Variants in ST6GALNAC3 observed in about 807,000 individuals in gnomAD.
ST6GALNAC3 encodes the protein alpha-N-acetylgalactosaminide alpha-2,6-sialyltransferase 3.
In ST6GALNAC3, 25 loss-of-function variants were observed where a neutral mutation model predicts 32.7. The ratio of observed to expected loss-of-function variants is 0.76; its 90% CI spans 0.56 to 1.07. The LOEUF is 1.07. Among genes scored for constraint, ST6GALNAC3 ranks in the 50% least tolerant of loss-of-function variants. The pLI is 0.00. For synonymous variants in ST6GALNAC3, 129 were observed against 133.1 expected, an observed-to-expected ratio of 0.97 and a Z score of 0.21; for missense variants, 355 against 382.4, an observed-to-expected ratio of 0.93 and a Z score of 0.60.
intron 1 of ST6GALNAC3, among the ~76,000 whole-genome samples, chr1:76,278,412 G>C (rs970573062): frequency 6.6e-6 from 1 of 151,682 alleles, no homozygotes; most frequent in Admixed American, 6.6e-5. Flanking sequence ...TAGTAGAGAC[G>C]GGGTTTCACC....
intron 3 of ST6GALNAC3, among the ~76,000 whole-genome samples, chr1:76,601,418 C>T (rs2647390): frequency 6.6e-6 from 1 of 151,480 alleles, no homozygotes; most frequent in Non-Finnish European, 1.5e-5. Context: ...TCTTGGTTTC[C>T]AAAAAGAGAA....
chr1:76,358,484 C>G (rs1015541394), intron 2 of ST6GALNAC3, among the ~76,000 whole-genome samples: 1 of 152,118 alleles, frequency 6.6e-6, no homozygotes, highest in African/African-American at 2.4e-5. Context: ...CATTTCCAAG[C>G]CTCTAGTTTT....
At chr1:76,573,928 T>C (rs1168832169) in intron 3 of ST6GALNAC3, among the ~76,000 whole-genome samples, 1 of 152,068 alleles carries the variant, frequency 6.6e-6, no homozygotes, top group African/African-American at 2.4e-5. Context: ...TTGCTCTGGA[T>C]AGATAATTTT....
chr1:76,352,376 T>A (rs1015221859), intron 2 of ST6GALNAC3, among the ~76,000 whole-genome samples: 6 of 146,878 alleles, frequency 4.1e-5, no homozygotes, highest in East Asian at 3.9e-4. Context: ...TTTTTTTTTT[T>A]ATTGAGAATA....
In ST6GALNAC3 at chr1:76,509,916, G is replaced by A. The variant is rs1661738273; in HGVS notation, c.623+97499G>A. On this transcript the variant is annotated intron_variant, in intron 3 of 4. Coordinates refer to ENST00000328299, the MANE Select transcript of ST6GALNAC3 (RefSeq NM_152996.4). The surrounding 1 kb of genome is among the most constrained non-coding windows in gnomAD (Gnocchi z 5.5). ...GCACCTATGAAGTCCTTTTTGGCAT[G>A]TAAAGCAACATATTCACAGGTTTCA... 6.6e-6 allele frequency among the ~76,000 whole-genome samples: 1 copy of A among 152,140 alleles called. No homozygotes were observed. The highest frequency in any genetic ancestry group is 2.4e-5 in the African/African-American group (1 of 41,450).
chr1:76,364,485 G>A (rs1283030720), intron 2 of ST6GALNAC3, among the ~76,000 whole-genome samples: 1 of 152,090 alleles, frequency 6.6e-6, no homozygotes, highest in Non-Finnish European at 1.5e-5. Context: ...CCCAGGAGGT[G>A]GAGGTTGCAG....
chr1:76,395,185 G>A (rs1413402677), intron 2 of ST6GALNAC3, among the ~76,000 whole-genome samples: 1 of 137,192 alleles, frequency 7.3e-6, no homozygotes, highest in Non-Finnish European at 1.6e-5. Context: ...TCCTTCATGA[G>A]GCCCCAGCAT....
Position 76,577,399 on chromosome 1 carries a change from A to T in ST6GALNAC3, c.624-50053A>T, listed in dbSNP as rs559772169. 1.1e-5 allele frequency: 10 copies of T among 869,986 alleles called. No homozygotes were observed. In the African/African-American group the frequency reaches 1.3e-4, roughly 11 times the overall value. 53.9% of individuals were successfully genotyped at this position (869,986 alleles called of 1,614,324 possible). ...CTTTTAGTGGAAATCGCTCTTGTGA[A>T]AACGAGCCCTGATAGTATCTTGGCT... On this transcript the variant is annotated intron_variant, in intron 3 of 4. Transcript: ENST00000328299.
At chr1:76,278,587 G>A (rs1280933481) in intron 1 of ST6GALNAC3, among the ~76,000 whole-genome samples, 1 of 151,426 alleles carries the variant, frequency 6.6e-6, no homozygotes, top group East Asian at 1.9e-4. Flanking sequence ...ACTTTTTGAG[G>A]AAACCAAATC....
intron 3 of ST6GALNAC3, among the ~76,000 whole-genome samples, chr1:76,524,958 A>T (rs1292501108): frequency 6.6e-6 from 1 of 152,058 alleles, no homozygotes; most frequent in Non-Finnish European, 1.5e-5. Flanking sequence ...AAAAAATCCC[A>T]CATGAAAAGG....
chr1:76,092,193 G>A (rs1199130123), intron 1 of ST6GALNAC3, among the ~76,000 whole-genome samples: 1 of 152,178 alleles, frequency 6.6e-6, no homozygotes, highest in African/African-American at 2.4e-5. Context: ...GGATCATCTT[G>A]TCTGAAAGCC....
chr1:76,340,489 A>G (rs1647871286), intron 2 of ST6GALNAC3, among the ~76,000 whole-genome samples: 1 of 152,136 alleles, frequency 6.6e-6, no homozygotes, highest in Non-Finnish European at 1.5e-5. Flanking sequence ...ACAAAGAGAG[A>G]AATCATCAAG....
chr1:76,462,768 C>T (rs113069301), intron 3 of ST6GALNAC3, among the ~76,000 whole-genome samples: 1 of 152,080 alleles, frequency 6.6e-6, no homozygotes, highest in African/African-American at 2.4e-5. Context: ...ATCACTAGCA[C>T]TGATTAAATA....
At chr1:76,464,897 A>G (rs1412289284) in intron 3 of ST6GALNAC3, among the ~76,000 whole-genome samples, 1 of 152,104 alleles carries the variant, frequency 6.6e-6, no homozygotes, top group Non-Finnish European at 1.5e-5. Context: ...TATTCCTCCC[A>G]CTATTTCATC....
chr1:76,568,287 C>T (rs1245456350), intron 3 of ST6GALNAC3, among the ~76,000 whole-genome samples: 1 of 152,316 alleles, frequency 6.6e-6, no homozygotes, highest in African/African-American at 2.4e-5. Flanking sequence ...GCCCTTCTAA[C>T]TGCAGTCTGG....
At chr1:76,226,984 A>C (rs1424013942) in intron 1 of ST6GALNAC3, among the ~76,000 whole-genome samples, 2 of 152,210 alleles carry the variant, frequency 1.3e-5, no homozygotes, top group Non-Finnish European at 2.9e-5. Flanking sequence ...TTTCATGATA[A>C]AAAGAGAAAT....
At chr1:76,317,479 C>G (rs1048335063) in intron 2 of ST6GALNAC3, among the ~76,000 whole-genome samples, 1 of 152,110 alleles carries the variant, frequency 6.6e-6, no homozygotes, top group Non-Finnish European at 1.5e-5. Context: ...CCTATTCATT[C>G]TATTCTAATT....
chr1:76,133,136 G>C (rs1297717848), intron 1 of ST6GALNAC3, among the ~76,000 whole-genome samples: 1 of 152,154 alleles, frequency 6.6e-6, no homozygotes, highest in Non-Finnish European at 1.5e-5. Context: ...ACTTGGGTCT[G>C]CAAGGCCCCC....
intron 2 of ST6GALNAC3, among the ~76,000 whole-genome samples, chr1:76,376,027 G>T (rs560014846): frequency 1.8e-4 from 28 of 152,040 alleles, no homozygotes; most frequent in Non-Finnish European, 2.5e-4. Flanking sequence ...CTAGTGAAGG[G>T]AATGGAGAAA....
Sources: gnomAD v4.1 joint callset for allele counts (sites outside exome capture counted in the v4.1 genomes callset) on GRCh38, gnomAD v4.1.1 for gene constraint, Gnocchi (gnomAD v3.1) non-coding constraint, MANE v1.5 for transcripts, NCBI Gene and HGNC (gene_info 2026-07-23, HGNC 2026-07-21) for gene names.